The following POLN variants were observed in gnomAD, a reference collection of about 807,000 sequenced individuals.
The protein encoded by POLN is DNA polymerase nu.
Under a neutral mutation model 113.5 loss-of-function variants are expected in POLN, and 108 were observed. That is an observed-to-expected ratio of 0.95 (90% CI 0.81 to 1.12). The LOEUF is 1.12. Ranked by LOEUF, POLN falls within the 50% of genes most tolerant of loss-of-function variation. POLN has a pLI of 0.00. For missense variants in POLN, 1,097 were observed against 1,077.1 expected (o/e 1.02, Z -0.26); for synonymous variants, 386 against 391.5 (o/e 0.99, Z 0.17).
chr4:2,150,760 C>T (rs939841528), intron 16 of POLN, among the ~76,000 whole-genome samples: 17 of 152,060 alleles, frequency 1.1e-4, no homozygotes, highest in East Asian at 3.8e-4. Context: ...TTTCAAGAAA[C>T]GGTACTGGGA....
intron 16 of POLN, among the ~76,000 whole-genome samples, chr4:2,151,217 T>C (rs1198441362): frequency 6.6e-6 from 1 of 152,174 alleles, no homozygotes; most frequent in Non-Finnish European, 1.5e-5. Context: ...ATGGAAGGAC[T>C]CTCAGCAGTA....
intron 21 of POLN, chr4:2,082,932 T>C (rs1005627440): frequency 6.6e-6 from 1 of 152,210 alleles, no homozygotes; most frequent in African/African-American, 2.4e-5. Context: ...CTAAGCTTTG[T>C]TAGAGTGGAT....
intron 1 of POLN, 105 bp from the exon 2 acceptor site, chr4:2,241,895 C>A (rs1322274669): frequency 3.0e-6 from 3 of 985,488 alleles, no homozygotes; most frequent in Non-Finnish European, 2.4e-6. Context: ...CCTCGCCCAG[C>A]GGACCGGGCC....
intron 13 of POLN, among the ~76,000 whole-genome samples, chr4:2,161,218 T>C (rs1354471391): frequency 1.3e-5 from 2 of 152,198 alleles, no homozygotes; most frequent in African/African-American, 4.8e-5. Flanking sequence ...AGCCCCTTTC[T>C]GGGCTGGCCA....
chr4:2,173,363 C>A (rs11944403), intron 11 of POLN, among the ~76,000 whole-genome samples: 12,554 of 152,112 alleles, frequency 0.083, 775 homozygotes, highest in African/African-American at 0.16. Flanking sequence ...GTGGTGGTCA[C>A]GTCAGGGTAT....
At chr4:2,241,956 AG>A in intron 1 of POLN, 94 bp downstream of exon 1, 1 of 985,506 alleles carries the variant, frequency 1.0e-6, no homozygotes, top group Non-Finnish European at 1.2e-6. Context: ...CCAGGAGCGC[AG>A]GAAAAAAAAG....
chr4:2,186,672 G>A (rs1733282161), intron 7 of POLN, among the ~76,000 whole-genome samples: 1 of 152,006 alleles, frequency 6.6e-6, no homozygotes, highest in African/African-American at 2.4e-5. Context: ...AGAGAAGATT[G>A]GAACAAAAAA....
At chr4:2,110,939 A>C (rs1731177943) in intron 19 of POLN, among the ~76,000 whole-genome samples, 1 of 152,258 alleles carries the variant, frequency 6.6e-6, no homozygotes, top group Non-Finnish European at 1.5e-5. Flanking sequence ...CACAACAAAA[A>C]AAGAGAATTG....
intron 2 of POLN, among the ~76,000 whole-genome samples, chr4:2,237,097 T>C (rs1390154880): frequency 6.6e-6 from 1 of 151,984 alleles, no homozygotes; most frequent in Non-Finnish European, 1.5e-5. Flanking sequence ...TACTTCAAAG[T>C]GCACTTCAGA....
Position 2,073,149 on chromosome 4 carries a change from G to A in POLN, c.2456-120C>T, listed in dbSNP as rs1730193156. 28 of 908,208 alleles carry A rather than the reference G, an allele frequency of 3.1e-5. No homozygotes were observed. The South Asian group carries it at 4.0e-4, about 13-fold the overall frequency. 56.3% of individuals were successfully genotyped at this position (908,208 alleles called of 1,614,324 possible). ...CGGCCCCTGAGCCCCCTTGTTTCCT[G>A]TGTCCACTCGGTCACCTGAACCAGC... On this transcript the variant is annotated intron_variant, in intron 24 of 25. Transcript: ENST00000511885.
At chr4:2,104,451 T>C (rs1053596203) in intron 19 of POLN, among the ~76,000 whole-genome samples, 5 of 152,236 alleles carry the variant, frequency 3.3e-5, no homozygotes, top group African/African-American at 9.6e-5. Context: ...ATTTAACTTT[T>C]TGAAGAACTA....
chr4:2,095,144 T>C (rs1302745718), intron 20 of POLN, among the ~76,000 whole-genome samples: 1 of 128,408 alleles, frequency 7.8e-6, no homozygotes, highest in Non-Finnish European at 1.6e-5. Context: ...GAAGGGTGAG[T>C]GGAAGAGAGT....
intron 20 of POLN, among the ~76,000 whole-genome samples, chr4:2,094,492 G>C (rs1730739356): frequency 1.3e-5 from 2 of 152,098 alleles, no homozygotes; most frequent in South Asian, 2.1e-4. Flanking sequence ...GCTATGGCAT[G>C]CCCACACCCA....
At chr4:2,117,491 C>T (rs938349201) in intron 19 of POLN, among the ~76,000 whole-genome samples, 5 of 152,168 alleles carry the variant, frequency 3.3e-5, no homozygotes, top group Non-Finnish European at 7.4e-5. Context: ...ATTTTGTGAT[C>T]ATCCTTATAT....
At chr4:2,094,279 G>T (rs1409755787) in intron 20 of POLN, among the ~76,000 whole-genome samples, 2 of 148,892 alleles carry the variant, frequency 1.3e-5, no homozygotes, top group Non-Finnish European at 3.0e-5. Flanking sequence ...GGAGTTGGAG[G>T]TTGAGCCAAT....
intron 8 of POLN, 29 bp downstream of exon 8, chr4:2,179,279 T>C (rs1371258468): frequency 1.3e-6 from 2 of 1,588,326 alleles, no homozygotes; most frequent in Non-Finnish European, 1.7e-6. Flanking sequence ...TGTATTAAGG[T>C]TGATAAAACT....
intron 16 of POLN, chr4:2,139,982 T>C (rs1211117357): frequency 6.6e-6 from 1 of 152,208 alleles, no homozygotes; most frequent in Admixed American, 6.5e-5. Context: ...GCTGGGGTTC[T>C]GGAAAACAGA....
chr4:2,095,874 A>C lies in POLN; in HGVS notation c.2042T>G (p.Val681Gly), dbSNP rs1389960600. ...ACCTGCTCCATAGACCACCGCGTACACCACCTTCTTGGTTTGCTCTCTGTC... is the reference window on the plus strand; with the variant it reads ...ACCTGCTCCATAGACCACCGCGTACCCCACCTTCTTGGTTTGCTCTCTGTC... ...HADREQTKKV[V>G]YAVVYGAGKE... The change falls in exon 20 of 26, where the codon GTG (valine) becomes GGG (glycine). Residue 681 changes from valine to glycine, a missense_variant. Coordinates refer to ENST00000511885, the MANE Select transcript of POLN (RefSeq NM_181808.4). 1 of 1,613,928 alleles carries C rather than the reference A, an allele frequency of 6.2e-7. No individual in the cohort carries two copies. Among genetic ancestry groups the C allele is most frequent in the African/African-American group, 1.3e-5 (1 of 74,878 alleles).
chr4:2,152,037 CTTT>C (rs201892064), intron 16 of POLN, among the ~76,000 whole-genome samples: 2 of 142,288 alleles, frequency 1.4e-5, no homozygotes, highest in South Asian at 2.2e-4. Context: ...TTTCTTTCTT[CTTT>C]TTTTTTTTTT....
Sources: allele counts gnomAD v4.1 joint callset (sites outside exome capture counted in the v4.1 genomes callset), GRCh38; gene constraint gnomAD v4.1.1; transcripts MANE v1.5; gene names NCBI Gene and HGNC (gene_info 2026-07-23, HGNC 2026-07-21).